MAP3K1: variants seen among roughly 807,000 people sequenced by gnomAD.
MAP3K1 encodes MAP/ERK kinase kinase 1.
MAP3K1 carries 36 observed loss-of-function variants against 144.2 expected under a neutral mutation model. The observed-to-expected ratio is 0.25, with a 90% CI of 0.19 to 0.33. The LOEUF is 0.33. Ranked by LOEUF, MAP3K1 falls within the 10% of genes least tolerant of loss-of-function variation. The pLI, the probability that MAP3K1 is intolerant of heterozygous loss-of-function variation, is 1.00. For missense variants in MAP3K1, 1,650 were observed against 1,881.9 expected (o/e 0.88, Z 2.28); for synonymous variants, 718 against 688.7 (o/e 1.04, Z -0.67).
At chr5:56,857,705 C>T (rs1410506026) in intron 2 of MAP3K1, among the ~76,000 whole-genome samples, 5 of 152,154 alleles carry the variant, frequency 3.3e-5, no homozygotes, top group African/African-American at 2.4e-5. Context: ...CCAATGGCTA[C>T]CTTTTAGGCA....
rs1248645323 is a variant in MAP3K1, at chr5:56,878,161, A to G, written c.1966-819A>G. 3.9e-5 allele frequency among the ~76,000 whole-genome samples: 6 copies of G among 152,312 alleles called. No homozygotes were observed. In the East Asian group the frequency reaches 9.7e-4, roughly 25 times the overall value. Reference sequence around the variant, plus strand: ...GTGAGAGTTACTTTGAGATTATGCAAATACCCTATTTCACCTCAAAATTTT... The same window carrying G: ...GTGAGAGTTACTTTGAGATTATGCAGATACCCTATTTCACCTCAAAATTTT... On this transcript the variant is annotated intron_variant, in intron 10 of 19. Transcript: ENST00000399503.
intron 16 of MAP3K1, among the ~76,000 whole-genome samples, chr5:56,885,624 T>C (rs989651783): frequency 6.6e-6 from 1 of 152,212 alleles, no homozygotes; most frequent in Non-Finnish European, 1.5e-5. Flanking sequence ...TAAAGTTGTT[T>C]TGTGTATTTT....
intron 3 of MAP3K1, among the ~76,000 whole-genome samples, chr5:56,860,821 C>G (rs1336312925): frequency 6.6e-6 from 1 of 151,790 alleles, no homozygotes; most frequent in African/African-American, 2.4e-5. Flanking sequence ...CCATTGCACT[C>G]CAGCCTGGGC....
At chr5:56,858,264 G>A (rs746833859) in intron 2 of MAP3K1, among the ~76,000 whole-genome samples, 23 of 152,270 alleles carry the variant, frequency 1.5e-4, no homozygotes, top group African/African-American at 3.4e-4. Flanking sequence ...TGAGAATACC[G>A]TAGGGCATAA....
chr5:56,819,469 C>A (rs1746088539), intron 1 of MAP3K1, among the ~76,000 whole-genome samples: 4 of 151,970 alleles, frequency 2.6e-5, no homozygotes, highest in Admixed American at 2.6e-4. Context: ...CTTGCCTAGG[C>A]TGAGTCGGCT....
intron 1 of MAP3K1, among the ~76,000 whole-genome samples, chr5:56,816,315 G>A (rs1376482869): frequency 1.3e-5 from 2 of 152,078 alleles, no homozygotes; most frequent in Admixed American, 1.3e-4. Context: ...GAGCCTCTCT[G>A]CGGGGAACCG....
intron 1 of MAP3K1, among the ~76,000 whole-genome samples, chr5:56,834,875 A>G (rs1746599267): frequency 1.3e-5 from 2 of 152,202 alleles, no homozygotes; most frequent in South Asian, 2.1e-4. Flanking sequence ...TAAGAGAATA[A>G]CTTGTATAAA....
chr5:56,853,689 G>A (rs1047050333), intron 1 of MAP3K1, among the ~76,000 whole-genome samples: 6 of 152,180 alleles, frequency 3.9e-5, no homozygotes, highest in African/African-American at 1.2e-4. Flanking sequence ...CTGAGGAGTT[G>A]AGGAAAATCT....
intron 1 of MAP3K1, among the ~76,000 whole-genome samples, chr5:56,818,411 A>G (rs929949675): frequency 6.6e-6 from 1 of 152,140 alleles, no homozygotes; most frequent in African/African-American, 2.4e-5. Context: ...AGGAAAATCT[A>G]AGATTTTGAA....
At position 56,879,007 on chromosome 5, in the gene MAP3K1, A is replaced by G. The variant is rs1303669433; in HGVS notation, c.1993A>G (p.Thr665Ala). 4 of 1,613,740 alleles carry G rather than the reference A, an allele frequency of 2.5e-6. No individual in the cohort carries two copies. The highest frequency in any genetic ancestry group is 2.7e-5 in the African/African-American group (2 of 74,894). The change falls in exon 11 of 20, where the codon ACT becomes GCT. Residue 665 changes from threonine to alanine, a missense_variant. Around this residue, in one of 6 missense-constraint regions of MAP3K1, gnomAD observed 841 missense variants for 886.5 expected, o/e 0.95. Coordinates refer to ENST00000399503, the MANE Select transcript of MAP3K1 (RefSeq NM_005921.2). ...AACATTGAGAGCCATGCTGGTATAT[A>G]CTCCTTGCCACAGTTTAGCGGAAAG... ...LKTLRAMLVY[T>A]PCHSLAERIK...
At chr5:56,884,423 C>G (rs1748316212) in intron 15 of MAP3K1, among the ~76,000 whole-genome samples, 1 of 152,150 alleles carries the variant, frequency 6.6e-6, no homozygotes, top group Non-Finnish European at 1.5e-5. Context: ...CATCTTTACT[C>G]TGAGACTATT....
At chr5:56,861,589 A>AGG (rs1479095828) in intron 3 of MAP3K1, among the ~76,000 whole-genome samples, 932 of 47,756 alleles carry the variant, frequency 0.02, 4 homozygotes, top group African/African-American at 0.027. Flanking sequence ...AAAAAAAAAA[A>AGG]AGGGGCTATT....
intron 7 of MAP3K1, 143 bp from the exon 8 acceptor site, chr5:56,872,498 G>GT (rs1370444263): frequency 1.5e-6 from 1 of 655,074 alleles, no homozygotes; most frequent in African/African-American, 1.8e-5. Flanking sequence ...AACCTGCTGT[G>GT]TTTACTTGCT....
intron 1 of MAP3K1, among the ~76,000 whole-genome samples, chr5:56,848,872 T>C (rs1420439518): frequency 2.6e-5 from 4 of 152,212 alleles, no homozygotes; most frequent in Non-Finnish European, 5.9e-5. Context: ...AGTTGTGTTA[T>C]TGTCTTTGTT....
At chr5:56,856,525 T>C (rs1747348216) in intron 1 of MAP3K1, 75 bp from the exon 2 acceptor site, 5 of 1,246,338 alleles carry the variant, frequency 4.0e-6, no homozygotes, top group Non-Finnish European at 4.7e-6. Flanking sequence ...AATAGAACCA[T>C]CCATTCTGTT....
At chr5:56,874,658 A>C (rs537566029) in intron 9 of MAP3K1, among the ~76,000 whole-genome samples, 40 of 152,080 alleles carry the variant, frequency 2.6e-4, no homozygotes, top group African/African-American at 9.6e-4. Context: ...ATCTTGCTCC[A>C]GTTTTTCTCT....
intron 1 of MAP3K1, among the ~76,000 whole-genome samples, chr5:56,825,077 G>A (rs955167202): frequency 1.4e-4 from 21 of 151,880 alleles, no homozygotes; most frequent in Admixed American, 1.1e-3. Context: ...GCACAATCTT[G>A]GTTCACCACA....
At chr5:56,834,610 G>A (rs1457731881) in intron 1 of MAP3K1, among the ~76,000 whole-genome samples, 1 of 152,174 alleles carries the variant, frequency 6.6e-6, no homozygotes, top group Non-Finnish European at 1.5e-5. Flanking sequence ...TCGGGAAGCT[G>A]AGGCAGGATA....
At chr5:56,863,300 C>T (rs543756537) in intron 3 of MAP3K1, among the ~76,000 whole-genome samples, 9 of 152,312 alleles carry the variant, frequency 5.9e-5, no homozygotes, top group South Asian at 4.1e-4. Context: ...CTAAAGTTTT[C>T]CATTTAACAA....
Sources: allele counts gnomAD v4.1 joint callset (sites outside exome capture counted in the v4.1 genomes callset), GRCh38; gene constraint gnomAD v4.1.1; regional missense constraint gnomAD v4.1.1; transcripts MANE v1.5; gene names NCBI Gene and HGNC (gene_info 2026-07-23, HGNC 2026-07-21).